AIG1: variants seen among roughly 807,000 people sequenced by gnomAD.
AIG1 encodes the protein androgen induced 1.
In AIG1, 23 loss-of-function variants were observed where a neutral mutation model predicts 31.4. The observed-to-expected ratio is 0.73, with a 90% CI of 0.53 to 1.04. AIG1 has a LOEUF of 1.04. AIG1 is among the 50% of genes least tolerant of loss of function. AIG1 has a pLI of 0.00. For missense variants in AIG1, 274 were observed against 295.0 expected, an observed-to-expected ratio of 0.93 and a Z score of 0.52; for synonymous variants, 100 against 110.5, an observed-to-expected ratio of 0.90 and a Z score of 0.60.
chr6:143,341,086 C>T (rs374091711), downstream of AIG1, among the ~76,000 whole-genome samples: 41 of 152,264 alleles, frequency 2.7e-4, no homozygotes, highest in South Asian at 8.1e-3. Flanking sequence ...CTCTCTTTCT[C>T]CCACACACAT....
chr6:143,084,358 T>G (rs1778570905), intron 1 of AIG1, among the ~76,000 whole-genome samples: 1 of 152,204 alleles, frequency 6.6e-6, no homozygotes. Context: ...TTTTTTACAG[T>G]GTCCTTGTAG....
chr6:143,094,216 G>T (rs377469255), intron 1 of AIG1: 31 of 152,312 alleles, frequency 2.0e-4, no homozygotes, highest in African/African-American at 6.3e-4. Flanking sequence ...GCGTCCATAA[G>T]ATTCTTTTCC....
intron 3 of AIG1, among the ~76,000 whole-genome samples, chr6:143,200,820 T>C (rs988128481): frequency 2.0e-5 from 3 of 152,116 alleles, no homozygotes; most frequent in African/African-American, 7.2e-5. Flanking sequence ...TCTGCCTCTC[T>C]TCCTACAATC....
intron 1 of AIG1, among the ~76,000 whole-genome samples, chr6:143,121,825 TAA>T (rs1465578573): frequency 6.6e-6 from 1 of 152,250 alleles, no homozygotes; most frequent in African/African-American, 2.4e-5. Context: ...ATCTTTTCAC[TAA>T]ATGTAATATA....
Position 143,314,847 on chromosome 6 carries a change from CTGAT to C in AIG1, c.516-18429_516-18426del, listed in dbSNP as rs1282308595. 8.5e-5 allele frequency among the ~76,000 whole-genome samples: 13 copies of C among 152,226 alleles called. No individual in the cohort carries two copies. The East Asian group carries it at 2.5e-3, about 29-fold the overall frequency. On this transcript the variant is annotated intron_variant, in intron 4 of 5. Coordinates refer to ENST00000357847, the MANE Select transcript of AIG1 (RefSeq NM_016108.4). Reference sequence around the variant, plus strand: ...CACACTCTTTGAGGATGAAGCAAATCTGATTGATTTTCAATGTGAAAATATAAAA... The same window carrying C: ...CACACTCTTTGAGGATGAAGCAAATCTGATTTTCAATGTGAAAATATAAAA...
In AIG1 at chr6:143,189,309, G is replaced by T. The variant is rs1281621190; in HGVS notation, c.399+24126G>T. 8.2e-6 allele frequency: 6 copies of T among 732,844 alleles called. No homozygotes were observed. In the East Asian group the frequency reaches 7.7e-4, roughly 94 times the overall value. 45.4% of individuals were successfully genotyped at this position (732,844 alleles called of 1,614,324 possible). A position where few individuals can be genotyped will look rare whatever the true frequency, so the allele number is the denominator to read the frequency against. ...TTTCCCAGGCTGGTCTCGAACTCCT[G>T]GCCTCAAGCGATCCTCCTGCCTCAG... On this transcript the variant is annotated intron_variant, in intron 3 of 5. Coordinates refer to ENST00000357847, the MANE Select transcript of AIG1 (RefSeq NM_016108.4).
At chr6:143,160,421 T>TG (rs972885794) in intron 2 of AIG1, among the ~76,000 whole-genome samples, 1 of 152,236 alleles carries the variant, frequency 6.6e-6, no homozygotes, top group Non-Finnish European at 1.5e-5. Context: ...CTAGTAGTTC[T>TG]GGGGGTTCAA....
chr6:143,254,465 C>G (rs771596065), intron 3 of AIG1, among the ~76,000 whole-genome samples: 6 of 152,162 alleles, frequency 3.9e-5, no homozygotes, highest in Non-Finnish European at 7.4e-5. Flanking sequence ...TCCTAGACAT[C>G]CTGGGGGTGT....
At chr6:143,295,756 T>C (rs1334125532) in intron 4 of AIG1, among the ~76,000 whole-genome samples, 1 of 152,174 alleles carries the variant, frequency 6.6e-6, no homozygotes, top group Non-Finnish European at 1.5e-5. Flanking sequence ...TGCCAGGGGA[T>C]TTAAAAAATA....
At chr6:143,133,916 T>C (rs1240363456) in intron 1 of AIG1, among the ~76,000 whole-genome samples, 1 of 152,090 alleles carries the variant, frequency 6.6e-6, no homozygotes, top group African/African-American at 2.4e-5. Context: ...AATATTCTAC[T>C]TCCTCTGCCT....
intron 1 of AIG1, among the ~76,000 whole-genome samples, chr6:143,070,022 C>T (rs977313842): frequency 6.6e-6 from 1 of 152,188 alleles, no homozygotes; most frequent in African/African-American, 2.4e-5. Flanking sequence ...GGATTCTGTT[C>T]TGCTCCACTG....
At chr6:143,170,935 T>C (rs914549411) in intron 3 of AIG1, among the ~76,000 whole-genome samples, 3 of 151,436 alleles carry the variant, frequency 2.0e-5, no homozygotes, top group Non-Finnish European at 4.4e-5. Context: ...AAAAAAACAA[T>C]GAAGGAAGCC....
intron 3 of AIG1, among the ~76,000 whole-genome samples, chr6:143,220,547 C>T (rs1436318160): frequency 4.6e-5 from 7 of 152,096 alleles, no homozygotes; most frequent in Non-Finnish European, 7.3e-5. Flanking sequence ...AGCTTCATCA[C>T]GGGTAAGCAA....
At chr6:143,072,869 A>AT (rs1322075132) in intron 1 of AIG1, among the ~76,000 whole-genome samples, 2 of 152,112 alleles carry the variant, frequency 1.3e-5, no homozygotes, top group African/African-American at 4.8e-5. Flanking sequence ...CCATTTTTTG[A>AT]TTTTGTGGCA....
chr6:143,340,507 C>T lies in AIG1; in HGVS notation c.*831C>T, dbSNP rs1777813280. On this transcript the variant is annotated 3_prime_UTR_variant, in exon 6 of 6. Coordinates refer to ENST00000357847, the MANE Select transcript of AIG1 (RefSeq NM_016108.4). ...ATGGAGTCTCACTCTGTCGCCCAGG[C>T]TGGAGTACAGTGGCGTGATCTCAGC... Among the ~76,000 whole-genome samples the T allele has an allele frequency of 6.6e-6, 1 of 151,908 alleles. No homozygotes were observed. The highest frequency in any genetic ancestry group is 6.6e-5 in the Admixed American group (1 of 15,248).
chr6:143,087,212 C>T (rs1057297648), intron 1 of AIG1, among the ~76,000 whole-genome samples: 11 of 152,296 alleles, frequency 7.2e-5, no homozygotes, highest in Admixed American at 2.6e-4. Flanking sequence ...CAAATGTTAC[C>T]GGCGGGTCTT....
chr6:143,221,933 G>A (rs1043528842), intron 3 of AIG1, among the ~76,000 whole-genome samples: 2 of 152,144 alleles, frequency 1.3e-5, no homozygotes, highest in East Asian at 1.9e-4. Context: ...TACTACAGTC[G>A]ACAGGATGAT....
At chr6:143,106,993 A>G (rs1227135439) in intron 1 of AIG1, among the ~76,000 whole-genome samples, 1 of 152,192 alleles carries the variant, frequency 6.6e-6, no homozygotes, top group East Asian at 1.9e-4. Flanking sequence ...TCCATCTTCA[A>G]ATACCCTCAC....
chr6:143,258,585 G>C lies in AIG1; in HGVS notation c.400-25525G>C, dbSNP rs1193755163. 6.6e-6 allele frequency among the ~76,000 whole-genome samples: 1 copy of C among 152,208 alleles called. No homozygotes were observed. The highest frequency in any genetic ancestry group is 1.5e-5 in the Non-Finnish European group (1 of 68,040). ...AGGTATTTTATGGGCTTTATTGGCA[G>C]AGAGAGAATCAAGGAGGGGCATGAA... On this transcript the variant is annotated intron_variant, in intron 3 of 5. Coordinates refer to ENST00000357847, the MANE Select transcript of AIG1 (RefSeq NM_016108.4). The surrounding 1 kb of genome is among the most constrained non-coding windows in gnomAD (Gnocchi z 4.7).
Sources: gnomAD v4.1 joint callset for allele counts (sites outside exome capture counted in the v4.1 genomes callset) on GRCh38, gnomAD v4.1.1 for gene constraint, Gnocchi (gnomAD v3.1) non-coding constraint, MANE v1.5 for transcripts, NCBI Gene and HGNC (gene_info 2026-07-23, HGNC 2026-07-21) for gene names.